The following NKAIN4 variants were observed in gnomAD, a reference collection of about 807,000 sequenced individuals.
NKAIN4 encodes the protein sodium/potassium-transporting ATPase subunit beta-1-interacting protein 4.
Under a neutral mutation model 28.8 loss-of-function variants are expected in NKAIN4, and 28 were observed. That is an observed-to-expected ratio of 0.97 (90% confidence interval 0.72 to 1.33). NKAIN4 has a LOEUF of 1.33. NKAIN4 is among the 40% of genes most tolerant of loss of function. The probability of loss-of-function intolerance (pLI) is 0.00; values close to 1 mark genes in which losing one functional copy is unlikely to be tolerated. For synonymous variants in NKAIN4, 122 were observed against 115.6 expected, an observed-to-expected ratio of 1.06 and a Z score of -0.36; for missense variants, 289 against 277.2, an observed-to-expected ratio of 1.04 and a Z score of -0.30.
At chr20:63,249,815 T>C (rs995664284) in intron 2 of NKAIN4, 120 bp downstream of exon 2, 3 of 1,054,420 alleles carry the variant, frequency 2.8e-6, no homozygotes, top group Non-Finnish European at 4.1e-6. Flanking sequence ...GGGGTCTGGG[T>C]TGGCATTTGT....
chr20:63,253,582 A>G (rs1568715035), intron 1 of NKAIN4: 7 of 907,726 alleles, frequency 7.7e-6, no homozygotes, highest in Non-Finnish European at 9.2e-6. Flanking sequence ...CCCAGGGCCA[A>G]TTAGCATCGA....
Position 63,243,940 on chromosome 20 carries a change from G to A in NKAIN4, c.532+84C>T, listed in dbSNP as rs867849905. The stretch of plus-strand genomic sequence containing the variant: ...TCCCTTCCAAGTGGGGAGGTCTCTC[G>A]CCTTGCCCCAGACGGGACAGACTCA... On this transcript the variant is annotated intron_variant, in intron 5 of 6. Transcript: ENST00000370316. 122 of 1,197,466 alleles carry A rather than the reference G, an allele frequency of 1.0e-4. 2 individuals carry two copies. In the Admixed American group the frequency reaches 1.1e-3, roughly 11 times the overall value. 74.2% of individuals were successfully genotyped at this position (1,197,466 alleles called of 1,614,324 possible). A position where few individuals can be genotyped will look rare whatever the true frequency, so the allele number is the denominator to read the frequency against.
chr20:63,247,224 T>C (rs2066875261), intron 4 of NKAIN4: 1 of 1,202,816 alleles, frequency 8.3e-7, no homozygotes, highest in African/African-American at 1.6e-5. Flanking sequence ...ATGGATGGGT[T>C]TGTCAGGAAG....
At position 63,243,839 on chromosome 20, in the gene NKAIN4, G is replaced by A. The variant is rs1056805736; in HGVS notation, c.532+185C>T. The A allele has an allele frequency of 8.7e-6, 5 of 577,336 alleles. No homozygotes were observed. In the African/African-American group the frequency reaches 9.4e-5, roughly 11 times the overall value. 35.8% of individuals were successfully genotyped at this position (577,336 alleles called of 1,614,324 possible). ...CTGGAGCCCCCAGGCTAGGACCTCT[G>A]CTAATCTCTTCCCTGGTGTGTGGCG... On this transcript the variant is annotated intron_variant, in intron 5 of 6. Transcript: ENST00000370316.
At chr20:63,254,158 A>T (rs1281087417) in intron 1 of NKAIN4, 1 of 414,624 alleles carries the variant, frequency 2.4e-6, no homozygotes, top group Admixed American at 4.6e-5. Flanking sequence ...GCCGCTCCGG[A>T]CCCGCGGCCG....
chr20:63,244,529 A>G (rs541362407), intron 4 of NKAIN4: 17 of 472,356 alleles, frequency 3.6e-5, no homozygotes, highest in Non-Finnish European at 7.5e-5. Context: ...TCTGTGGAGC[A>G]AGCCATCTGG....
In NKAIN4 at chr20:63,249,989, G is replaced by A. The variant is rs781579432; in HGVS notation, c.138C>T (p.Ile46=). Residue 46 remains isoleucine, a synonymous_variant, in exon 2 of 7, where the codon ATC becomes ATT. Coordinates refer to ENST00000370316, the MANE Select transcript of NKAIN4 (RefSeq NM_152864.4). The part of the protein sequence containing the change: ...PILANFVHII[I]VILGLFGTIQ... ...TGGTGCCGAAGAGTCCCAGGATGACGATGATGATGTGGACAAAGTTGGCCA... is the reference window on the plus strand; with the variant it reads ...TGGTGCCGAAGAGTCCCAGGATGACAATGATGATGTGGACAAAGTTGGCCA... 8.7e-6 allele frequency: 14 copies of A among 1,613,104 alleles called. No individual in the cohort carries two copies. The highest frequency in any genetic ancestry group is 2.7e-5 in the African/African-American group (2 of 74,902).
intron 4 of NKAIN4, among the ~76,000 whole-genome samples, chr20:63,246,359 C>A (rs2066857922): frequency 6.6e-6 from 1 of 152,226 alleles, no homozygotes; most frequent in Admixed American, 6.5e-5. Context: ...ATTGGGGCCC[C>A]CTCTGTGCCT....
chr20:63,243,738 C>G (rs901673974), intron 5 of NKAIN4: 2 of 305,658 alleles, frequency 6.5e-6, no homozygotes, highest in Admixed American at 4.7e-5. Context: ...ACCTTCCTCC[C>G]GTGGCCACTG....
rs573078618 is a variant in NKAIN4 at position 63,249,454 on chromosome 20, C to G, written c.192+481G>C. Among the ~76,000 whole-genome samples the G allele has an allele frequency of 3.9e-5, 6 of 152,294 alleles. No homozygotes were observed. The South Asian group carries it at 1.0e-3, about 26-fold the overall frequency. On this transcript the variant is annotated intron_variant, in intron 2 of 6. Transcript: ENST00000370316. Reference sequence around the variant, plus strand: ...TCAGCTGCAAACTACTGGTCTGGACCGATGATTTGGTTCTGCACTGAATGA... The same window carrying G: ...TCAGCTGCAAACTACTGGTCTGGACGGATGATTTGGTTCTGCACTGAATGA...
At chr20:63,246,111 G>T (rs2066851808) in intron 4 of NKAIN4, among the ~76,000 whole-genome samples, 1 of 152,102 alleles carries the variant, frequency 6.6e-6, no homozygotes, top group Admixed American at 6.5e-5. Context: ...TGTATTTTTA[G>T]TAGAGACAGG....
chr20:63,242,788 G>GC (rs2066780638), intron 5 of NKAIN4, among the ~76,000 whole-genome samples, 165 bp from the exon 6 acceptor site: 1 of 151,560 alleles, frequency 6.6e-6, no homozygotes, highest in Non-Finnish European at 1.5e-5. Context: ...TGGGGGGACG[G>GC]GGGGGGTGGG....
intron 4 of NKAIN4, among the ~76,000 whole-genome samples, chr20:63,246,340 T>C (rs987114201): frequency 6.6e-6 from 1 of 152,210 alleles, no homozygotes; most frequent in Non-Finnish European, 1.5e-5. Flanking sequence ...TCCACACATT[T>C]TGGGGGCAAT....
At chr20:63,241,629 C>A in intron 6 of NKAIN4, 123 bp from the exon 7 acceptor site, 1 of 855,848 alleles carries the variant, frequency 1.2e-6, no homozygotes, top group Non-Finnish European at 1.9e-6. Context: ...CGGCTTCAGG[C>A]CTTTGGCAGA....
upstream of NKAIN4, chr20:63,254,719 A>T: frequency 1.3e-4 from 27 of 214,014 alleles, no homozygotes; most frequent in Non-Finnish European, 2.1e-4. Context: ...TCGGGTAGCG[A>T]GGGGCGGCGC....
At chr20:63,251,640 T>A (rs1359007359) in intron 1 of NKAIN4, among the ~76,000 whole-genome samples, 1 of 152,172 alleles carries the variant, frequency 6.6e-6, no homozygotes, top group Non-Finnish European at 1.5e-5. Flanking sequence ...TCAGCTCCTA[T>A]CTCTGTATGG....
At position 63,254,403 on chromosome 20, in the gene NKAIN4, A is replaced by T; in HGVS notation, c.48T>A (p.Phe16Leu). The T allele has an allele frequency of 6.9e-7, 1 of 1,451,548 alleles. No homozygotes were observed. The highest frequency in any genetic ancestry group is 2.5e-5 in the Admixed American group (1 of 40,132). 89.9% of individuals were successfully genotyped at this position (1,451,548 alleles called of 1,614,324 possible). ...GRCALVVLCA[F>L]QLVAALERQV... ...CGGAGGGGTCGCCACTCACCAGCTG[A>T]AAAGCGCAGAGGACGACGAGCGCGC... The change falls in exon 1 of 7, where the codon TTT (phenylalanine) becomes TTA (leucine). Residue 16 changes from phenylalanine (F) to leucine (L), a missense_variant. By Grantham distance (22) the Phe-to-Leu change is conservative (BLOSUM62 0). Transcript: ENST00000370316.
At chr20:63,253,548 T>C in intron 1 of NKAIN4, 1 of 982,698 alleles carries the variant, frequency 1.0e-6, no homozygotes. Flanking sequence ...CCACAAAGCA[T>C]CGTTTCCTTT....
At chr20:63,246,444 G>T in intron 4 of NKAIN4, 1 of 951,540 alleles carries the variant, frequency 1.1e-6, no homozygotes, top group African/African-American at 1.8e-5. Flanking sequence ...CTTGCTATGG[G>T]GCAGCACCTT....
Sources: allele counts gnomAD v4.1 joint callset (sites outside exome capture counted in the v4.1 genomes callset), GRCh38; gene constraint gnomAD v4.1.1; transcripts MANE v1.5; gene names NCBI Gene and HGNC (gene_info 2026-07-23, HGNC 2026-07-21).